The following RGS6 variants were observed in gnomAD, a reference collection of about 807,000 sequenced individuals.
RGS6 encodes the protein regulator of G-protein signaling 6.
Under a neutral mutation model 78.5 loss-of-function variants are expected in RGS6, and 30 were observed. That is an observed-to-expected ratio of 0.38 (90% CI 0.29 to 0.52). The LOEUF (loss-of-function observed/expected upper bound fraction) is 0.52, where lower values mean the gene tolerates loss of function less well. Among genes scored for constraint, RGS6 ranks in the 20% least tolerant of loss-of-function variants. RGS6 has a pLI of 0.85. For synonymous variants in RGS6, 206 were observed against 206.0 expected, an observed-to-expected ratio of 1.00 and a Z score of 0.00; for missense variants, 495 against 609.7, an observed-to-expected ratio of 0.81 and a Z score of 1.98.
intron 3 of RGS6, among the ~76,000 whole-genome samples, chr14:72,404,961 G>A (rs1010436385): frequency 6.6e-6 from 1 of 152,194 alleles, no homozygotes; most frequent in African/African-American, 2.4e-5. Context: ...TGAGAGGAAG[G>A]GGGAACCCTG....
intron 2 of RGS6, among the ~76,000 whole-genome samples, chr14:72,343,333 A>G (rs1269179737): frequency 6.6e-6 from 1 of 152,088 alleles, no homozygotes; most frequent in Non-Finnish European, 1.5e-5. Context: ...TCTATTTTCA[A>G]AATCAGTAAA....
chr14:72,319,767 A>C (rs183910852), intron 2 of RGS6, among the ~76,000 whole-genome samples: 1 of 152,334 alleles, frequency 6.6e-6, no homozygotes, highest in Admixed American at 6.5e-5. Context: ...AACAAAACGG[A>C]AACAACAGCT....
intron 3 of RGS6, among the ~76,000 whole-genome samples, chr14:72,354,712 C>T (rs2079887999): frequency 6.6e-6 from 1 of 152,028 alleles, no homozygotes; most frequent in East Asian, 1.9e-4. Flanking sequence ...CCTTCATAAA[C>T]TCCCCCAAAG....
At chr14:72,510,515 C>T (rs143747280) in intron 14 of RGS6, among the ~76,000 whole-genome samples, 99 of 152,320 alleles carry the variant, frequency 6.5e-4, no homozygotes, top group African/African-American at 1.9e-3. Context: ...GACCTTTGTG[C>T]GACTAATTGG....
At chr14:72,334,626 G>A (rs763303008) in intron 2 of RGS6, among the ~76,000 whole-genome samples, 4 of 152,194 alleles carry the variant, frequency 2.6e-5, no homozygotes, top group African/African-American at 4.8e-5. Flanking sequence ...AATGTGTTCC[G>A]TGATGGAAGT....
chr14:72,610,879 ACCCCTT>A, the RGS6 span, among the ~76,000 whole-genome samples: 1 of 152,200 alleles, frequency 6.6e-6, no homozygotes, highest in Non-Finnish European at 1.5e-5. Context: ...CCTTTGCCTC[ACCCCTT>A]CCACCAGCAG....
intron 12 of RGS6, among the ~76,000 whole-genome samples, chr14:72,492,681 G>A (rs1055445443): frequency 6.6e-6 from 1 of 152,114 alleles, no homozygotes; most frequent in Non-Finnish European, 1.5e-5. Flanking sequence ...AGGGTATCAT[G>A]TTCTGAGCCC....
At chr14:72,414,300 T>C (rs572207910) in intron 3 of RGS6, among the ~76,000 whole-genome samples, 13 of 152,344 alleles carry the variant, frequency 8.5e-5, no homozygotes, top group African/African-American at 3.1e-4. Context: ...CTCTTCTCGC[T>C]TCATTTCATT....
chr14:72,257,368 C>G (rs761992489), intron 2 of RGS6, among the ~76,000 whole-genome samples: 11 of 152,100 alleles, frequency 7.2e-5, no homozygotes, highest in Non-Finnish European at 1.2e-4. Flanking sequence ...TAGAAATGCA[C>G]CTGATTTTTT....
intron 2 of RGS6, among the ~76,000 whole-genome samples, chr14:72,229,798 C>A (rs8007128): frequency 0.12 from 17,520 of 152,222 alleles, 1,269 homozygotes; most frequent in East Asian, 0.33. Flanking sequence ...TGCACTTTTG[C>A]TGATTTGTTG....
the RGS6 span, among the ~76,000 whole-genome samples, chr14:72,586,235 T>G: frequency 1.3e-5 from 2 of 152,170 alleles, no homozygotes; most frequent in African/African-American, 4.8e-5. Flanking sequence ...TGAAATTTGA[T>G]CCCCAGTGTT....
At chr14:72,078,851 GATTTT>G (rs2094700264) in intron 2 of RGS6, among the ~76,000 whole-genome samples, 1 of 151,956 alleles carries the variant, frequency 6.6e-6, no homozygotes, top group African/African-American at 2.4e-5. Flanking sequence ...CTTATATTTT[GATTTT>G]ATTTCTTACA....
At chr14:72,491,652 C>T (rs1247167684) in intron 12 of RGS6, among the ~76,000 whole-genome samples, 1 of 152,096 alleles carries the variant, frequency 6.6e-6, no homozygotes, top group African/African-American at 2.4e-5. Flanking sequence ...TAAAATCTTA[C>T]AATTTTTATA....
intron 2 of RGS6, among the ~76,000 whole-genome samples, chr14:72,098,015 G>A (rs2095444754): frequency 6.6e-6 from 1 of 152,094 alleles, no homozygotes; most frequent in South Asian, 2.1e-4. Flanking sequence ...TACCTCTCCT[G>A]GACCCACACA....
intron 2 of RGS6, among the ~76,000 whole-genome samples, chr14:72,099,860 A>G (rs1364582605): frequency 6.6e-6 from 1 of 152,226 alleles, no homozygotes; most frequent in Non-Finnish European, 1.5e-5. Flanking sequence ...TGTAGTAAGC[A>G]CTTTCAAACT....
intron 2 of RGS6, among the ~76,000 whole-genome samples, chr14:72,174,148 G>T (rs1256069270): frequency 6.6e-6 from 1 of 152,106 alleles, no homozygotes; most frequent in Non-Finnish European, 1.5e-5. Flanking sequence ...CACTCTTGTT[G>T]CCCAGGCTCA....
rs1390155344 is a variant in RGS6, at chr14:72,393,358, T to C, written c.184+41164T>C. ...TGACTGAATCACATGCAAAGCTTTA[T>C]AGCCTTTCTGATGTCCAAGCTGCCC... On this transcript the variant is annotated intron_variant, in intron 3 of 17. Coordinates refer to ENST00000553525, the MANE Select transcript of RGS6 (RefSeq NM_001204424.2). Among the ~76,000 whole-genome samples the C allele has an allele frequency of 3.9e-5, 6 of 152,336 alleles. No homozygotes were observed. The East Asian group carries it at 5.8e-4, about 15-fold the overall frequency.
At chr14:72,415,751 C>T (rs2093764076) in intron 3 of RGS6, among the ~76,000 whole-genome samples, 1 of 152,340 alleles carries the variant, frequency 6.6e-6, no homozygotes, top group South Asian at 2.1e-4. Context: ...ACCAAAGCAA[C>T]ATCCATCACA....
At chr14:72,017,160 C>T (rs1236280000) in intron 2 of RGS6, among the ~76,000 whole-genome samples, 1 of 152,160 alleles carries the variant, frequency 6.6e-6, no homozygotes, top group Non-Finnish European at 1.5e-5. Context: ...CAGCTTCTTT[C>T]TAAGTAGCTG....
Sources: allele counts gnomAD v4.1 joint callset (sites outside exome capture counted in the v4.1 genomes callset), GRCh38; gene constraint gnomAD v4.1.1; transcripts MANE v1.5; gene names NCBI Gene and HGNC (gene_info 2026-07-23, HGNC 2026-07-21).